SLC35A1: variants seen among roughly 807,000 people sequenced by gnomAD.
The protein encoded by SLC35A1 is CMP-sialic acid transporter.
SLC35A1 carries 21 observed loss-of-function variants against 40.3 expected under a neutral mutation model. The observed-to-expected ratio is 0.52, with a 90% CI of 0.37 to 0.75. The LOEUF is 0.75. SLC35A1 is among the 30% of genes least tolerant of loss of function. The pLI is 0.00. For missense variants in SLC35A1, 297 were observed against 382.1 expected (o/e 0.78, Z 1.86); for synonymous variants, 146 against 147.3 (o/e 0.99, Z 0.06).
intron 2 of SLC35A1, among the ~76,000 whole-genome samples, chr6:87,498,469 C>A (rs562643284): frequency 1.6e-3 from 236 of 151,944 alleles, no homozygotes; most frequent in Non-Finnish European, 2.5e-3. Context: ...GAAAATTATT[C>A]TTTATACTCT....
At chr6:87,479,763 G>A (rs1022028400) in intron 2 of SLC35A1, among the ~76,000 whole-genome samples, 2 of 152,204 alleles carry the variant, frequency 1.3e-5, no homozygotes, top group Non-Finnish European at 2.9e-5. Flanking sequence ...TATAATAGAT[G>A]TAGTTTATCC....
intron 7 of SLC35A1, among the ~76,000 whole-genome samples, chr6:87,509,424 C>CT (rs1030599457): frequency 8.6e-5 from 13 of 151,948 alleles, no homozygotes; most frequent in East Asian, 1.9e-4. Flanking sequence ...AGTGAGGGGA[C>CT]TTTTTTTGCA....
chr6:87,483,344 A>C (rs1021204896), intron 2 of SLC35A1, among the ~76,000 whole-genome samples: 3 of 150,790 alleles, frequency 2.0e-5, no homozygotes, highest in Non-Finnish European at 4.4e-5. Context: ...GTGGGAGTGG[A>C]GTTTAGCCTT....
intron 1 of SLC35A1, 72 bp downstream of exon 1, chr6:87,473,091 C>T (rs1768963776): frequency 2.3e-6 from 1 of 427,036 alleles, no homozygotes; most frequent in East Asian, 3.6e-5. Context: ...CGCTGGTCAG[C>T]CCCTGTCGGG....
intron 2 of SLC35A1, among the ~76,000 whole-genome samples, chr6:87,483,936 C>T (rs115007227): frequency 2.2e-3 from 329 of 152,290 alleles, no homozygotes; most frequent in African/African-American, 7.4e-3. Flanking sequence ...GCAGAGAGGA[C>T]GCACTCACTC....
chr6:87,496,790 A>AAAAAC (rs1554166041), intron 2 of SLC35A1, among the ~76,000 whole-genome samples: 29 of 144,454 alleles, frequency 2.0e-4, no homozygotes, highest in East Asian at 4.0e-4. Flanking sequence ...AAAAAAAAAA[A>AAAAAC]AAAAGAAAAA....
rs761589864 is a variant in SLC35A1 at position 87,500,464 on chromosome 6, T to C, written c.195-44T>C. ...TCTTATTAAAATAATACTCTTTAAT[T>C]TTCTTCCTTACCACCCTCTCATCTC... is the stretch of plus-strand genomic sequence containing the variant. On this transcript the variant is annotated intron_variant, in intron 2 of 7. Transcript: ENST00000369552. 3 of 1,597,026 alleles carry C rather than the reference T, an allele frequency of 1.9e-6. 1 individual carries two copies. In the South Asian group the frequency reaches 3.3e-5, roughly 18 times the overall value.
rs1467992711 is a variant in SLC35A1, at chr6:87,500,667, G to A, written c.354G>A (p.Gln118=). 2 of 1,613,754 alleles carry A rather than the reference G, an allele frequency of 1.2e-6. No homozygotes were observed. The highest frequency in any genetic ancestry group is 1.7e-6 in the Non-Finnish European group (2 of 1,179,920). ...GCAATCTGGATGCAGCAGTGTACCA[G>A]GTAAGTGGAGTTAATGATAATGAAA... ...ALSNLDAAVY[Q]VTYQLKIPCT... The change falls in exon 3 of 8, where the codon CAG becomes CAA. Residue 118 remains glutamine (Q), a splice_region_variant and synonymous_variant. Transcript: ENST00000369552.
chr6:87,508,446 AG>A lies in SLC35A1; in HGVS notation c.602del (p.Ser201IlefsTer8), dbSNP rs1770153904. 6.2e-7 allele frequency: 1 copy of A among 1,610,034 alleles called. No individual in the cohort carries two copies. The highest frequency in any genetic ancestry group is 8.5e-7 in the Non-Finnish European group (1 of 1,177,270). Reference protein sequence around the residue: ...AGVYFEKVLKSSDTSLWVRNI... With the variant: ...AGVYFEKVLKXSDTSLWVRNI... Reference sequence around the variant, plus strand: ...AGTATATTTTGAAAAAGTTTTAAAGAGTTCAGATACTTCTCTTTGGGTGAGA... The same window carrying A: ...AGTATATTTTGAAAAAGTTTTAAAGATTCAGATACTTCTCTTTGGGTGAGA... On this transcript the variant is annotated frameshift_variant, in exon 6 of 8. Coordinates refer to ENST00000369552, the MANE Select transcript of SLC35A1 (RefSeq NM_006416.5). LOFTEE classifies it high-confidence loss of function.
intron 2 of SLC35A1, among the ~76,000 whole-genome samples, chr6:87,485,270 C>T (rs929160225): frequency 1.3e-5 from 2 of 152,098 alleles, no homozygotes; most frequent in African/African-American, 4.8e-5. Flanking sequence ...ATTCTTTTCC[C>T]ATGTAATGTT....
intron 2 of SLC35A1, among the ~76,000 whole-genome samples, chr6:87,486,532 C>T (rs189328587): frequency 1.2e-4 from 19 of 152,100 alleles, no homozygotes; most frequent in African/African-American, 4.6e-4. Flanking sequence ...GTAGTTCTGC[C>T]CTCATGGACT....
intron 2 of SLC35A1, among the ~76,000 whole-genome samples, chr6:87,479,632 C>CT (rs772164930): frequency 6.6e-6 from 1 of 152,198 alleles, no homozygotes; most frequent in Non-Finnish European, 1.5e-5. Context: ...AACTCCTCCT[C>CT]TTTCTGCTAA....
intron 4 of SLC35A1, 80 bp downstream of exon 4, chr6:87,501,390 C>A: frequency 1.5e-6 from 2 of 1,340,572 alleles, no homozygotes; most frequent in Non-Finnish European, 2.1e-6. Context: ...TACATTGATG[C>A]ATGCAGCATG....
chr6:87,474,067 C>T (rs1768999037), intron 1 of SLC35A1, among the ~76,000 whole-genome samples: 2 of 152,018 alleles, frequency 1.3e-5, no homozygotes, highest in South Asian at 2.1e-4. Context: ...TTTGTAGCAA[C>T]ACAGGAAATA....
intron 7 of SLC35A1, among the ~76,000 whole-genome samples, chr6:87,511,047 ATTTTCTTT>A (rs1770250929): frequency 6.6e-6 from 1 of 151,938 alleles, no homozygotes; most frequent in Non-Finnish European, 1.5e-5. Flanking sequence ...ATCCTACCAC[ATTTTCTTT>A]TGTACTTATA....
intron 2 of SLC35A1, among the ~76,000 whole-genome samples, chr6:87,493,478 G>C (rs1033087996): frequency 6.7e-6 from 1 of 149,416 alleles, no homozygotes. Flanking sequence ...GTGTGTGTGT[G>C]TGTGTATAAC....
intron 2 of SLC35A1, among the ~76,000 whole-genome samples, chr6:87,497,559 G>C (rs761291069): frequency 3.0e-4 from 45 of 152,228 alleles, no homozygotes; most frequent in Admixed American, 5.9e-4. Context: ...AGAAAAGAGT[G>C]GGGAGAAAAG....
intron 2 of SLC35A1, among the ~76,000 whole-genome samples, chr6:87,490,338 T>C (rs905359003): frequency 5.3e-5 from 8 of 150,948 alleles, no homozygotes; most frequent in Non-Finnish European, 8.9e-5. Flanking sequence ...TGTCATCATT[T>C]TTTTTTTTTT....
chr6:87,496,012 T>C (rs1769715654), intron 2 of SLC35A1: 1 of 152,228 alleles, frequency 6.6e-6, no homozygotes, highest in Admixed American at 6.5e-5. Flanking sequence ...ATAAGAAATT[T>C]ATAAACAAAA....
Sources: gnomAD v4.1 joint callset for allele counts (sites outside exome capture counted in the v4.1 genomes callset) on GRCh38, gnomAD v4.1.1 for gene constraint, MANE v1.5 for transcripts, NCBI Gene and HGNC (gene_info 2026-07-23, HGNC 2026-07-21) for gene names.